SLC16A12: variants seen among roughly 807,000 people sequenced by gnomAD.
The protein encoded by SLC16A12 is monocarboxylate transporter 12.
SLC16A12 carries 17 observed loss-of-function variants against 42.4 expected under a neutral mutation model. That is an observed-to-expected ratio of 0.40 (90% confidence interval 0.27 to 0.60). The LOEUF is 0.60. SLC16A12 is among the 20% of genes least tolerant of loss of function. SLC16A12 has a pLI of 0.42. For missense variants in SLC16A12, 544 were observed against 623.0 expected, an observed-to-expected ratio of 0.87 and a Z score of 1.35; for synonymous variants, 224 against 229.4, an observed-to-expected ratio of 0.98 and a Z score of 0.21.
chr10:89,438,106 A>G (rs1841832785), intron 6 of SLC16A12, among the ~76,000 whole-genome samples: 5 of 142,950 alleles, frequency 3.5e-5, no homozygotes, highest in Admixed American at 2.8e-4. Flanking sequence ...ATGGAATTAA[A>G]TCTACCGCCA....
rs1315542753 is a variant in SLC16A12 at position 89,438,714 on chromosome 10, A to C, written c.918T>G (p.Pro306=). Residue 306 remains proline (P), a synonymous_variant, in exon 6 of 8, where the codon CCT becomes CCG. Coordinates refer to ENST00000371790, the MANE Select transcript of SLC16A12 (RefSeq NM_213606.4). ...GCSPLFVYLV[P]YALSVGVSHQ... ...GACTCACTCCAACACTCAAAGCATA[A>C]GGCACCAAGTACACAAAGAGAGGGC... is the stretch of plus-strand genomic sequence containing the variant. 1 of 1,614,214 alleles carries C rather than the reference A, an allele frequency of 6.2e-7. No homozygotes were observed. Among genetic ancestry groups the C allele is most frequent in the East Asian group, 2.2e-5 (1 of 44,890 alleles).
At chr10:89,472,723 C>A (rs1842520224) in intron 2 of SLC16A12, among the ~76,000 whole-genome samples, 1 of 151,874 alleles carries the variant, frequency 6.6e-6, no homozygotes, top group Admixed American at 6.6e-5. Context: ...GAACTCCTGA[C>A]CTCAAGGGAT....
chr10:89,436,929 T>C (rs1199018534), intron 6 of SLC16A12, among the ~76,000 whole-genome samples: 1 of 107,852 alleles, frequency 9.3e-6, no homozygotes, highest in East Asian at 2.9e-4. Flanking sequence ...AAAGAGTGCA[T>C]AAATCTCAAA....
chr10:89,501,522 A>T (rs904594396), intron 2 of SLC16A12, among the ~76,000 whole-genome samples: 1 of 152,236 alleles, frequency 6.6e-6, no homozygotes, highest in African/African-American at 2.4e-5. Flanking sequence ...CAGCCAACTG[A>T]TCTTTGACAA....
intron 2 of SLC16A12, among the ~76,000 whole-genome samples, chr10:89,471,107 G>T (rs2133767757): frequency 6.6e-6 from 1 of 152,314 alleles, no homozygotes; most frequent in South Asian, 2.1e-4. Flanking sequence ...TTTTTAAATT[G>T]AGGTATAACT....
upstream of SLC16A12, among the ~76,000 whole-genome samples, chr10:89,539,311 T>G (rs1843697902): frequency 6.6e-6 from 1 of 152,256 alleles, no homozygotes; most frequent in Admixed American, 6.5e-5. Flanking sequence ...TTAATAGTTG[T>G]GTTCTAACTT....
chr10:89,459,752 C>T (rs1842264656), intron 3 of SLC16A12, among the ~76,000 whole-genome samples: 1 of 151,988 alleles, frequency 6.6e-6, no homozygotes, highest in East Asian at 1.9e-4. Flanking sequence ...CCATCCTGGC[C>T]AACATGGTGA....
At chr10:89,483,050 G>T (rs2133790806) in intron 2 of SLC16A12, among the ~76,000 whole-genome samples, 1 of 152,260 alleles carries the variant, frequency 6.6e-6, no homozygotes, top group Non-Finnish European at 1.5e-5. Flanking sequence ...CACGATTAAG[G>T]TGTCAGCAAA....
chr10:89,432,958 C>T lies in SLC16A12; in HGVS notation c.*106G>A, dbSNP rs938406782. ...GTTAACAAAACAATAATAATAATTT[C>T]CTTGGAAGGCAATCCTTCTGCCAAA... On this transcript the variant is annotated 3_prime_UTR_variant, in exon 8 of 8. Coordinates refer to ENST00000371790, the MANE Select transcript of SLC16A12 (RefSeq NM_213606.4). 15 of 1,421,046 alleles carry T rather than the reference C, an allele frequency of 1.1e-5. No homozygotes were observed. The highest frequency in any genetic ancestry group is 1.4e-5 in the Non-Finnish European group (15 of 1,044,756). 88.0% of individuals were successfully genotyped at this position (1,421,046 alleles called of 1,614,324 possible).
At chr10:89,503,532 G>C (rs1202841708) in intron 2 of SLC16A12, among the ~76,000 whole-genome samples, 3 of 152,226 alleles carry the variant, frequency 2.0e-5, no homozygotes, top group African/African-American at 7.2e-5. Flanking sequence ...TGTGGGGTTA[G>C]AGAAAGAAGG....
upstream of SLC16A12, among the ~76,000 whole-genome samples, chr10:89,538,264 A>G (rs1269813632): frequency 1.3e-5 from 2 of 152,244 alleles, no homozygotes. Flanking sequence ...TCCAAATAGC[A>G]CTGTCCAACA....
intron 2 of SLC16A12, among the ~76,000 whole-genome samples, chr10:89,527,514 G>A (rs1367437500): frequency 6.6e-6 from 1 of 151,454 alleles, no homozygotes; most frequent in Non-Finnish European, 1.5e-5. Context: ...AAAAAATAAG[G>A]GGCTGGCATG....
chr10:89,431,381 A>G lies in SLC16A12; in HGVS notation c.*1683T>C, dbSNP rs184305047. 1.6e-4 allele frequency: 24 copies of G among 152,372 alleles called. No individual in the cohort carries two copies. Among genetic ancestry groups the G allele is most frequent in the African/African-American group, 5.8e-4 (24 of 41,586 alleles). The allele number at this position is 152,372 out of a possible 1,614,324, so 9.4% of individuals were successfully genotyped here. Reference sequence around the variant, plus strand: ...ACTAAGTAAGGAGATAACAGACAACATTTAAATTTGTCTTTGGAAAACAAC... The same window carrying G: ...ACTAAGTAAGGAGATAACAGACAACGTTTAAATTTGTCTTTGGAAAACAAC... On this transcript the variant is annotated 3_prime_UTR_variant, in exon 8 of 8. Coordinates refer to ENST00000371790, the MANE Select transcript of SLC16A12 (RefSeq NM_213606.4).
At chr10:89,499,826 C>T (rs1564590718) in intron 2 of SLC16A12, among the ~76,000 whole-genome samples, 2 of 150,732 alleles carry the variant, frequency 1.3e-5, no homozygotes, top group Non-Finnish European at 3.0e-5. Context: ...GAAATTGAAA[C>T]AAAAAAAATA....
At chr10:89,508,421 A>T (rs1028513739) in intron 2 of SLC16A12, among the ~76,000 whole-genome samples, 7 of 152,186 alleles carry the variant, frequency 4.6e-5, no homozygotes, top group Non-Finnish European at 1.0e-4. Context: ...GGATTAAGAA[A>T]CTCACTCAAA....
chr10:89,523,706 G>A (rs750227969), intron 2 of SLC16A12, among the ~76,000 whole-genome samples: 5 of 152,160 alleles, frequency 3.3e-5, no homozygotes, highest in African/African-American at 1.2e-4. Flanking sequence ...TACCATGACA[G>A]CTGCTAGGAC....
chr10:89,487,979 T>TAC (rs1267409651), intron 2 of SLC16A12, among the ~76,000 whole-genome samples: 4 of 135,972 alleles, frequency 2.9e-5, no homozygotes, highest in Non-Finnish European at 6.2e-5. Flanking sequence ...TATATATATA[T>TAC]ATATATATAT....
intron 2 of SLC16A12, among the ~76,000 whole-genome samples, chr10:89,544,781 C>G (rs1436581252): frequency 6.6e-6 from 1 of 151,626 alleles, no homozygotes; most frequent in Non-Finnish European, 1.5e-5. Flanking sequence ...AAGTAGTAAA[C>G]AGTGTCTGTT....
intron 2 of SLC16A12, among the ~76,000 whole-genome samples, chr10:89,532,732 C>T (rs550885739): frequency 6.6e-6 from 1 of 152,044 alleles, no homozygotes; most frequent in Non-Finnish European, 1.5e-5. Context: ...AATAAACATG[C>T]CTGAGCTTGC....
Sources: allele counts gnomAD v4.1 joint callset (sites outside exome capture counted in the v4.1 genomes callset), GRCh38; gene constraint gnomAD v4.1.1; transcripts MANE v1.5; gene names NCBI Gene and HGNC (gene_info 2026-07-23, HGNC 2026-07-21).